The following FARS2 variants were observed in gnomAD, a reference collection of about 807,000 sequenced individuals.
FARS2 encodes the protein phenylalanyl-tRNA synthetase 2, mitochondrial.
Under a neutral mutation model 46.4 loss-of-function variants are expected in FARS2, and 40 were observed. The ratio of observed to expected loss-of-function variants is 0.86; its 90% CI spans 0.67 to 1.12. The LOEUF is 1.12. Ranked by LOEUF, FARS2 falls within the 50% of genes most tolerant of loss-of-function variation. The pLI, the probability that FARS2 is intolerant of heterozygous loss-of-function variation, is 0.00. For missense variants in FARS2, 513 were observed against 567.9 expected (o/e 0.90, Z 0.98); for synonymous variants, 234 against 214.9 (o/e 1.09, Z -0.78).
At chr6:5,584,809 C>T (rs1438896269) in intron 5 of FARS2, among the ~76,000 whole-genome samples, 1 of 152,184 alleles carries the variant, frequency 6.6e-6, no homozygotes, top group Non-Finnish European at 1.5e-5. Context: ...GGAAACTCAT[C>T]TGTGAAATGC....
intron 1 of FARS2, among the ~76,000 whole-genome samples, chr6:5,280,944 A>G (rs4610609): frequency 0.52 from 78,758 of 151,898 alleles, 20,842 homozygotes; most frequent in East Asian, 0.84. Flanking sequence ...TTTTCCTTCC[A>G]TTTTTAATTT....
intron 1 of FARS2, among the ~76,000 whole-genome samples, chr6:5,319,282 G>A (rs1769795525): frequency 2.0e-5 from 3 of 152,144 alleles, no homozygotes; most frequent in Admixed American, 2.0e-4. Context: ...CTCAGGAGTT[G>A]GGCAAGTGGG....
chr6:5,525,755 T>G (rs1010585452), intron 4 of FARS2, among the ~76,000 whole-genome samples: 7 of 152,264 alleles, frequency 4.6e-5, no homozygotes, highest in African/African-American at 1.7e-4. Flanking sequence ...TCAGAAATTT[T>G]GTGTATTGAT....
At chr6:5,283,447 G>A (rs1766889598) in intron 1 of FARS2, among the ~76,000 whole-genome samples, 1 of 151,054 alleles carries the variant, frequency 6.6e-6, no homozygotes, top group Non-Finnish European at 1.5e-5. Context: ...TACTCGGGAG[G>A]CTGAGGCAGG....
At chr6:5,442,908 A>G (rs1763922500) in intron 4 of FARS2, among the ~76,000 whole-genome samples, 1 of 152,136 alleles carries the variant, frequency 6.6e-6, no homozygotes, top group African/African-American at 2.4e-5. Context: ...GGCTTTGGCA[A>G]CTTCTCTCAA....
intron 6 of FARS2, among the ~76,000 whole-genome samples, chr6:5,723,461 A>G (rs1760043778): frequency 6.6e-6 from 1 of 152,100 alleles, no homozygotes. Flanking sequence ...CATCTTCTTC[A>G]TCTATGATGT....
At chr6:5,498,470 G>A (rs975880487) in intron 4 of FARS2, among the ~76,000 whole-genome samples, 2 of 152,184 alleles carry the variant, frequency 1.3e-5, no homozygotes, top group African/African-American at 4.8e-5. Context: ...AAACGTAAGT[G>A]TTTCTCCTCT....
At chr6:5,654,554 C>T (rs375514756) in intron 6 of FARS2, among the ~76,000 whole-genome samples, 25 of 152,062 alleles carry the variant, frequency 1.6e-4, no homozygotes, top group Non-Finnish European at 3.4e-4. Context: ...AGTGTAACAC[C>T]GAAAAGCATT....
At chr6:5,265,014 A>G (rs1307177385) in intron 1 of FARS2, among the ~76,000 whole-genome samples, 2 of 143,984 alleles carry the variant, frequency 1.4e-5, no homozygotes, top group Admixed American at 1.5e-4. Context: ...TATGATGTCC[A>G]GGGTGGTCTC....
chr6:5,379,755 G>A (rs1759632684), intron 2 of FARS2, among the ~76,000 whole-genome samples: 1 of 152,228 alleles, frequency 6.6e-6, no homozygotes, highest in African/African-American at 2.4e-5. Flanking sequence ...CATTGGAGGA[G>A]CTGTGTTGCC....
At chr6:5,546,972 G>A (rs960844767) in intron 5 of FARS2, among the ~76,000 whole-genome samples, 1 of 148,092 alleles carries the variant, frequency 6.8e-6, no homozygotes, top group Admixed American at 6.7e-5. Flanking sequence ...TTTATTTTGA[G>A]ACGGAGACTT....
chr6:5,700,643 G>A (rs11962782), intron 6 of FARS2, among the ~76,000 whole-genome samples: 2,132 of 152,204 alleles, frequency 0.014, 49 homozygotes, highest in African/African-American at 0.049. Context: ...TGATGCACCC[G>A]CCTCGGCCTC....
intron 6 of FARS2, among the ~76,000 whole-genome samples, chr6:5,626,328 A>T (rs908170082): frequency 2.0e-5 from 3 of 152,136 alleles, no homozygotes; most frequent in African/African-American, 4.8e-5. Flanking sequence ...ACCTGCTGTC[A>T]TGGATCCCAG....
At chr6:5,425,832 G>GA (rs1360565123) in intron 3 of FARS2, among the ~76,000 whole-genome samples, 2 of 152,156 alleles carry the variant, frequency 1.3e-5, no homozygotes, top group Non-Finnish European at 2.9e-5. Flanking sequence ...TCAGTGTCCA[G>GA]ATCTCCAAAG....
intron 4 of FARS2, among the ~76,000 whole-genome samples, chr6:5,483,147 T>A (rs1234342031): frequency 6.6e-6 from 1 of 152,184 alleles, no homozygotes; most frequent in Non-Finnish European, 1.5e-5. Context: ...GGGTTCTCCT[T>A]CAAGCTGACA....
intron 6 of FARS2, among the ~76,000 whole-genome samples, chr6:5,644,342 A>G (rs947699093): frequency 7.2e-5 from 11 of 151,978 alleles, no homozygotes; most frequent in Admixed American, 1.3e-4. Flanking sequence ...CCTCCCAAGT[A>G]GCTGAGACTA....
At position 5,330,762 on chromosome 6, in the gene FARS2, T is replaced by C. The variant is rs545962223; in HGVS notation, c.-21-37788T>C. Among the ~76,000 whole-genome samples, 16 of 152,304 alleles carry C rather than the reference T, an allele frequency of 1.1e-4. 1 individual carries two copies. In the East Asian group the frequency reaches 3.1e-3, roughly 29 times the overall value. On this transcript the variant is annotated intron_variant, in intron 1 of 6. Transcript: ENST00000274680. ...GTCAGAATATGTATGTATTTGAGTA[T>C]GTAGTTTGTAAATTCTACAGGAGTA...
At chr6:5,463,782 T>C (rs932663450) in intron 4 of FARS2, among the ~76,000 whole-genome samples, 1 of 152,240 alleles carries the variant, frequency 6.6e-6, no homozygotes, top group African/African-American at 2.4e-5. Context: ...CTTGGTGGAT[T>C]CTGCATAGTG....
intron 3 of FARS2, among the ~76,000 whole-genome samples, chr6:5,411,733 A>G (rs149253425): frequency 6.6e-6 from 1 of 152,308 alleles, no homozygotes; most frequent in East Asian, 1.9e-4. Context: ...TAACATTTCA[A>G]TTGTACCAGC....
Sources: allele counts gnomAD v4.1 joint callset (sites outside exome capture counted in the v4.1 genomes callset), GRCh38; gene constraint gnomAD v4.1.1; transcripts MANE v1.5; gene names NCBI Gene and HGNC (gene_info 2026-07-23, HGNC 2026-07-21).